PDE4D: variants seen among roughly 807,000 people sequenced by gnomAD.
PDE4D encodes 3',5'-cyclic-AMP phosphodiesterase 4D.
PDE4D carries 24 observed loss-of-function variants against 87.4 expected under a neutral mutation model. The ratio of observed to expected loss-of-function variants is 0.27; its 90% CI spans 0.20 to 0.39. The LOEUF is 0.39. Ranked by LOEUF, PDE4D falls within the 10% of genes least tolerant of loss-of-function variation. The pLI is 1.00. For synonymous variants in PDE4D, 384 were observed against 383.2 expected, an observed-to-expected ratio of 1.00 and a Z score of -0.02; for missense variants, 714 against 1,041.0, an observed-to-expected ratio of 0.69 and a Z score of 4.32.
chr5:59,211,080 T>C (rs1749969446), intron 2 of PDE4D, among the ~76,000 whole-genome samples: 1 of 152,222 alleles, frequency 6.6e-6, no homozygotes, highest in African/African-American at 2.4e-5. Context: ...TTCATGTTAC[T>C]TCATGACACC....
intron 3 of PDE4D, among the ~76,000 whole-genome samples, chr5:59,915,251 G>A (rs546336170): frequency 6.6e-6 from 1 of 152,248 alleles, no homozygotes; most frequent in East Asian, 1.9e-4. Context: ...TGACCAGCTA[G>A]GGCAGAATGG....
intron 1 of PDE4D, among the ~76,000 whole-genome samples, chr5:60,456,669 CAG>C (rs370208897): frequency 2.0e-5 from 3 of 152,294 alleles, no homozygotes; most frequent in African/African-American, 7.2e-5. Flanking sequence ...AGTGACCAAA[CAG>C]AGAGTAAAGT....
At chr5:59,474,265 A>G (rs1262619965) in intron 1 of PDE4D, among the ~76,000 whole-genome samples, 1 of 152,164 alleles carries the variant, frequency 6.6e-6, no homozygotes, top group Admixed American at 6.6e-5. Flanking sequence ...CAGATATATT[A>G]TATGACAAAG....
At chr5:59,806,925 A>G (rs1767800987) in intron 1 of PDE4D, among the ~76,000 whole-genome samples, 1 of 152,238 alleles carries the variant, frequency 6.6e-6, no homozygotes, top group Non-Finnish European at 1.5e-5. Flanking sequence ...TCCTTTAAAT[A>G]CGATTTGAAA....
chr5:60,059,263 T>G (rs905206909), intron 2 of PDE4D, among the ~76,000 whole-genome samples: 1 of 152,006 alleles, frequency 6.6e-6, no homozygotes, highest in African/African-American at 2.4e-5. Flanking sequence ...TCTTGCATTC[T>G]AGTAGCAACT....
At chr5:59,275,315 A>C in intron 1 of PDE4D, 1 of 1,574,402 alleles carries the variant, frequency 6.4e-7, no homozygotes, top group Non-Finnish European at 8.6e-7. Flanking sequence ...AAAGGGGAAA[A>C]GCATGAGAGA....
intron 1 of PDE4D, among the ~76,000 whole-genome samples, chr5:59,841,829 T>C (rs1418826762): frequency 2.6e-5 from 4 of 151,820 alleles, no homozygotes; most frequent in Non-Finnish European, 5.9e-5. Context: ...CAGAAAGAGA[T>C]TGTAGTGCAG....
intron 1 of PDE4D, among the ~76,000 whole-genome samples, chr5:59,364,238 C>A (rs1024632513): frequency 3.3e-5 from 5 of 152,096 alleles, no homozygotes; most frequent in Non-Finnish European, 7.4e-5. Context: ...CTGGTTTTTG[C>A]TTTCAGTGTT....
At chr5:59,887,801 A>C (rs1246407098) in intron 1 of PDE4D, among the ~76,000 whole-genome samples, 1 of 152,054 alleles carries the variant, frequency 6.6e-6, no homozygotes, top group African/African-American at 2.4e-5. Flanking sequence ...TGTTTTCTGA[A>C]GTCATCTCTC....
intron 1 of PDE4D, among the ~76,000 whole-genome samples, chr5:59,570,924 G>T (rs903127372): frequency 4.6e-5 from 7 of 152,076 alleles, no homozygotes; most frequent in Non-Finnish European, 8.8e-5. Flanking sequence ...CAAAGCAAAA[G>T]AAATACATTA....
At chr5:59,222,383 A>T (rs1039002161) in intron 1 of PDE4D, among the ~76,000 whole-genome samples, 2 of 152,136 alleles carry the variant, frequency 1.3e-5, no homozygotes, top group Non-Finnish European at 2.9e-5. Context: ...GAGTCCTGCT[A>T]CTGTGCTGAG....
intron 5 of PDE4D, among the ~76,000 whole-genome samples, chr5:59,108,382 T>G (rs1771984554): frequency 6.6e-6 from 1 of 152,202 alleles, no homozygotes; most frequent in African/African-American, 2.4e-5. Flanking sequence ...AACCATTCCC[T>G]GAATCACCTC....
intron 1 of PDE4D, among the ~76,000 whole-genome samples, chr5:59,389,354 A>C (rs1049050117): frequency 7.2e-5 from 11 of 151,760 alleles, no homozygotes; most frequent in African/African-American, 2.7e-4. Flanking sequence ...TTAGTTTCTA[A>C]GGATTGTTTA....
chr5:59,247,887 G>A (rs996081306), intron 1 of PDE4D, among the ~76,000 whole-genome samples: 11 of 151,036 alleles, frequency 7.3e-5, no homozygotes, highest in South Asian at 2.1e-4. Context: ...CTTATCTTCC[G>A]TCCCTGAGAC....
chr5:59,677,641 A>T (rs1209120839), intron 1 of PDE4D, among the ~76,000 whole-genome samples: 1 of 152,212 alleles, frequency 6.6e-6, no homozygotes, highest in Non-Finnish European at 1.5e-5. Context: ...GTAAAACTCA[A>T]ACTGACCAAA....
intron 1 of PDE4D, among the ~76,000 whole-genome samples, chr5:60,240,405 G>C (rs1273607956): frequency 6.6e-6 from 1 of 152,086 alleles, no homozygotes; most frequent in African/African-American, 2.4e-5. Flanking sequence ...TCCAAGGCTT[G>C]ACTCTTGAAT....
At chr5:60,375,714 C>T (rs1761376392) in intron 1 of PDE4D, among the ~76,000 whole-genome samples, 1 of 152,162 alleles carries the variant, frequency 6.6e-6, no homozygotes, top group South Asian at 2.1e-4. Context: ...ACAGGCTACA[C>T]AAAATACAGT....
chr5:59,985,116 C>T (rs1402774300), intron 3 of PDE4D, among the ~76,000 whole-genome samples: 2 of 137,042 alleles, frequency 1.5e-5, no homozygotes, highest in Admixed American at 1.6e-4. Flanking sequence ...GCCCGAACTT[C>T]ACCTTTCGTT....
intron 1 of PDE4D, among the ~76,000 whole-genome samples, chr5:59,236,045 T>G (rs934008242): frequency 3.9e-5 from 6 of 152,162 alleles, no homozygotes; most frequent in African/African-American, 1.4e-4. Context: ...CAGGGGTCCA[T>G]GCACAGTTTT....
Sources: allele counts gnomAD v4.1 joint callset (sites outside exome capture counted in the v4.1 genomes callset), GRCh38; gene constraint gnomAD v4.1.1; transcripts MANE v1.5; gene names NCBI Gene and HGNC (gene_info 2026-07-23, HGNC 2026-07-21).